SYT9: variants seen among roughly 807,000 people sequenced by gnomAD.
SYT9 encodes synaptotagmin 9.
A neutral mutation model predicts 48.4 loss-of-function variants in SYT9; 22 were observed. That is an observed-to-expected ratio of 0.45 (90% CI 0.32 to 0.65). The LOEUF is 0.65. SYT9 is among the 30% of genes least tolerant of loss of function. The pLI is 0.03. For synonymous variants in SYT9, 265 were observed against 245.0 expected (o/e 1.08, Z -0.76); for missense variants, 577 against 622.0 (o/e 0.93, Z 0.77).
chr11:7,316,387 G>A (rs1849244042), intron 3 of SYT9, among the ~76,000 whole-genome samples: 2 of 151,768 alleles, frequency 1.3e-5, no homozygotes, highest in Admixed American at 1.3e-4. Context: ...GTCTATTTTG[G>A]CATTTTATTG....
intron 3 of SYT9, among the ~76,000 whole-genome samples, chr11:7,334,920 C>T (rs1297521732): frequency 6.6e-6 from 1 of 152,178 alleles, no homozygotes; most frequent in Non-Finnish European, 1.5e-5. Context: ...TGAGATATTA[C>T]AAGTAAAGCT....
At chr11:7,331,689 C>T (rs534758131) in intron 3 of SYT9, among the ~76,000 whole-genome samples, 4 of 152,174 alleles carry the variant, frequency 2.6e-5, no homozygotes, top group East Asian at 1.9e-4. Context: ...TGTGCCACTG[C>T]GCTCCAGCCT....
At chr11:7,312,895 AT>A (rs1439285142) in intron 2 of SYT9, among the ~76,000 whole-genome samples, 10 of 152,328 alleles carry the variant, frequency 6.6e-5, no homozygotes, top group African/African-American at 2.4e-4. Flanking sequence ...TGATGAAATG[AT>A]TTGATTTGAA....
chr11:7,297,442 C>T (rs1482902430), intron 1 of SYT9, among the ~76,000 whole-genome samples: 1 of 152,158 alleles, frequency 6.6e-6, no homozygotes, highest in Non-Finnish European at 1.5e-5. Context: ...AACCACAATA[C>T]AATTATCATA....
At chr11:7,316,104 A>G (rs942142052) in intron 3 of SYT9, among the ~76,000 whole-genome samples, 12 of 150,992 alleles carry the variant, frequency 7.9e-5, no homozygotes, top group Non-Finnish European at 1.6e-4. Context: ...TAAAGAGCTG[A>G]GATTTGCCAT....
At chr11:7,387,087 G>A (rs892242504) in intron 3 of SYT9, among the ~76,000 whole-genome samples, 2 of 152,114 alleles carry the variant, frequency 1.3e-5, no homozygotes, top group Admixed American at 1.3e-4. Context: ...TCATAGGTTG[G>A]AATTGAACAA....
At chr11:7,341,637 G>A (rs904844659) in intron 3 of SYT9, among the ~76,000 whole-genome samples, 2 of 151,974 alleles carry the variant, frequency 1.3e-5, no homozygotes, top group Admixed American at 6.6e-5. Context: ...TTTCTTCATA[G>A]CAGTATGAAA....
chr11:7,468,462 G>A lies in SYT9; in HGVS notation c.*1662G>A. ...GTTCTGCCTATGTCTGATGACATAA[G>A]GAAAACTTGGCTTCCTCTGCTCAAG... On this transcript the variant is annotated 3_prime_UTR_variant, in exon 7 of 7. Transcript: ENST00000318881. 2.5e-6 allele frequency: 1 copy of A among 396,336 alleles called. No individual in the cohort carries two copies. Among genetic ancestry groups the A allele is most frequent in the East Asian group, 3.6e-5 (1 of 27,932 alleles). The allele number at this position is 396,336 out of a possible 1,614,324, so 24.6% of individuals were successfully genotyped here.
At chr11:7,303,613 C>T (rs1194105541) in intron 2 of SYT9, among the ~76,000 whole-genome samples, 3 of 152,190 alleles carry the variant, frequency 2.0e-5, no homozygotes, top group East Asian at 1.9e-4. Flanking sequence ...GTGTGAAGTA[C>T]TCTATAAGAA....
Position 7,303,148 on chromosome 11 carries a change from A to C in SYT9, c.255A>C (p.Arg85=), listed in dbSNP as rs1564853828. ...WKLCWVPWRE[R]GLPSGSKDNN... is the part of the protein sequence containing the mutation. ...TCTGCTGGGTTCCGTGGCGAGAACG[A>C]GGCCTGCCCTCTGGTAGCAAAGACA... is the stretch of plus-strand genomic sequence containing the variant. The change falls in exon 2 of 7, where the codon CGA becomes CGC. Residue 85 remains arginine, a synonymous_variant. Transcript: ENST00000318881. 1 of 1,614,136 alleles carries C rather than the reference A, an allele frequency of 6.2e-7. No individual in the cohort carries two copies. Among genetic ancestry groups the C allele is most frequent in the Non-Finnish European group, 8.5e-7 (1 of 1,180,030 alleles).
intron 1 of SYT9, among the ~76,000 whole-genome samples, chr11:7,287,742 T>A (rs999177494): frequency 2.6e-5 from 4 of 152,198 alleles, no homozygotes; most frequent in Non-Finnish European, 5.9e-5. Flanking sequence ...TATGACATGA[T>A]AAATAATGAT....
At chr11:7,452,767 G>T (rs1424016023) in intron 6 of SYT9, among the ~76,000 whole-genome samples, 1 of 151,984 alleles carries the variant, frequency 6.6e-6, no homozygotes, top group Non-Finnish European at 1.5e-5. Context: ...TGGGCTTCTA[G>T]GAACAGAAAA....
At chr11:7,446,739 A>G (rs1181140993) in intron 6 of SYT9, among the ~76,000 whole-genome samples, 3 of 152,160 alleles carry the variant, frequency 2.0e-5, no homozygotes, top group Admixed American at 6.5e-5. Flanking sequence ...CGGAAGACCA[A>G]TACCCTCATT....
At chr11:7,384,049 T>C (rs1480659250) in intron 3 of SYT9, among the ~76,000 whole-genome samples, 1 of 128,374 alleles carries the variant, frequency 7.8e-6, no homozygotes, top group South Asian at 2.7e-4. Flanking sequence ...GATTTAGCTC[T>C]TAAATTCACT....
intron 6 of SYT9, chr11:7,454,055 C>T (rs1338179293): frequency 1.0e-6 from 1 of 985,306 alleles, no homozygotes; most frequent in Non-Finnish European, 1.2e-6. Flanking sequence ...GGCAGGATAC[C>T]AATCCCTAAG....
At chr11:7,403,337 C>T (rs1412139240) in intron 3 of SYT9, among the ~76,000 whole-genome samples, 1 of 152,004 alleles carries the variant, frequency 6.6e-6, no homozygotes, top group African/African-American at 2.4e-5. Flanking sequence ...AGGTATTGAG[C>T]TCAGGAGTTC....
chr11:7,327,995 C>T (rs34220211), intron 3 of SYT9, among the ~76,000 whole-genome samples: 81,352 of 119,592 alleles, frequency 0.68, 27,905 homozygotes, highest in East Asian at 0.91. Context: ...GTGGGTGCAG[C>T]GCACCAGCAT....
intron 6 of SYT9, among the ~76,000 whole-genome samples, chr11:7,431,490 G>A (rs1243938763): frequency 6.6e-6 from 1 of 152,236 alleles, no homozygotes; most frequent in Admixed American, 6.5e-5. Context: ...GCAAGCTGTG[G>A]AGGAACCACT....
At chr11:7,304,964 G>A (rs2200650) in intron 2 of SYT9, among the ~76,000 whole-genome samples, 47,734 of 152,020 alleles carry the variant, frequency 0.31, 8,622 homozygotes, top group East Asian at 0.49. Context: ...AATATATGGT[G>A]GTAGTACTGT....
Sources: allele counts gnomAD v4.1 joint callset (sites outside exome capture counted in the v4.1 genomes callset), GRCh38; gene constraint gnomAD v4.1.1; transcripts MANE v1.5; gene names NCBI Gene and HGNC (gene_info 2026-07-23, HGNC 2026-07-21).